SORCS1: variants seen among roughly 807,000 people sequenced by gnomAD.
SORCS1 encodes the protein sortilin related VPS10 domain containing receptor 1, also known as VPS10 domain-containing receptor SorCS1.
A neutral mutation model predicts 146.1 loss-of-function variants in SORCS1; 60 were observed. That is an observed-to-expected ratio of 0.41 (90% CI 0.33 to 0.51). SORCS1 has a LOEUF of 0.51. Ranked by LOEUF, SORCS1 falls within the 20% of genes least tolerant of loss-of-function variation. The pLI, the probability that SORCS1 is intolerant of heterozygous loss-of-function variation, is 0.21. For missense variants in SORCS1, 1,352 were observed against 1,487.6 expected, an observed-to-expected ratio of 0.91 and a Z score of 1.50; for synonymous variants, 637 against 584.0, an observed-to-expected ratio of 1.09 and a Z score of -1.31.
At chr10:106,830,335 GC>G (rs1011697254) in intron 2 of SORCS1, among the ~76,000 whole-genome samples, 3 of 151,992 alleles carry the variant, frequency 2.0e-5, no homozygotes, top group Admixed American at 2.0e-4. Flanking sequence ...TAAATAAATT[GC>G]TTTTAATTAC....
intron 1 of SORCS1, among the ~76,000 whole-genome samples, chr10:106,993,926 T>C (rs1184079515): frequency 1.3e-5 from 2 of 151,542 alleles, no homozygotes; most frequent in East Asian, 1.9e-4. Context: ...TACCAAAAAT[T>C]AGCCAGGCAA....
chr10:107,135,497 A>C (rs1271325862), intron 1 of SORCS1, among the ~76,000 whole-genome samples: 1 of 152,232 alleles, frequency 6.6e-6, no homozygotes, highest in African/African-American at 2.4e-5. Context: ...ATTGTATCAA[A>C]TAAACACAAG....
At chr10:107,163,734 C>G (rs1969879887) in intron 1 of SORCS1, among the ~76,000 whole-genome samples, 1 of 152,092 alleles carries the variant, frequency 6.6e-6, no homozygotes, top group Non-Finnish European at 1.5e-5. Context: ...GGATTTGACT[C>G]CTCAGTTTGA....
At chr10:106,751,831 C>CTG (rs371829979) in intron 5 of SORCS1, among the ~76,000 whole-genome samples, 7 of 152,026 alleles carry the variant, frequency 4.6e-5, no homozygotes, top group African/African-American at 1.7e-4. Context: ...TTTTAGTACC[C>CTG]TGTGTGTGTG....
intron 1 of SORCS1, among the ~76,000 whole-genome samples, chr10:106,973,845 G>A (rs1955890213): frequency 6.6e-6 from 1 of 152,200 alleles, no homozygotes; most frequent in Admixed American, 6.5e-5. Flanking sequence ...AAAGCAATGT[G>A]TATTCAAGCA....
At position 107,164,440 on chromosome 10, in the gene SORCS1, C is replaced by T. The variant is rs1250532822; in HGVS notation, c.87G>A (p.Pro29=). 2 of 1,409,162 alleles carry T rather than the reference C, an allele frequency of 1.4e-6. No individual in the cohort carries two copies. The highest frequency in any genetic ancestry group is 1.5e-5 in the African/African-American group (1 of 66,938). 87.3% of individuals were successfully genotyped at this position (1,409,162 alleles called of 1,614,324 possible). ...AGAGLLILCA[P]GVCGGGSCCP... ...AGCAGGAGCCGCCGCCGCAGACGCC[C>T]GGGGCGCAGAGGATCAAGAGCCCCG... The change falls in exon 1 of 26, where the codon CCG becomes CCA. Residue 29 remains proline (P), a synonymous_variant. Transcript: ENST00000263054. This position sits in a 1 kb window ranked among gnomAD's most constrained non-coding sequence, Gnocchi z 6.8.
intron 3 of SORCS1, among the ~76,000 whole-genome samples, chr10:106,801,724 G>A (rs1268348690): frequency 6.6e-6 from 1 of 152,032 alleles, no homozygotes; most frequent in African/African-American, 2.4e-5. Flanking sequence ...TAGAGATGTG[G>A]TTTCACTGTG....
intron 1 of SORCS1, among the ~76,000 whole-genome samples, chr10:106,986,305 AT>A (rs1281085269): frequency 3.9e-5 from 6 of 152,198 alleles, no homozygotes; most frequent in African/African-American, 9.7e-5. Flanking sequence ...GTGTAAAAAA[AT>A]GATAAAAATC....
intron 2 of SORCS1, among the ~76,000 whole-genome samples, chr10:106,927,246 G>A (rs1024390952): frequency 6.6e-6 from 1 of 152,112 alleles, no homozygotes; most frequent in African/African-American, 2.4e-5. Context: ...TCTGATGTTC[G>A]GATGTGTTCG....
At chr10:106,968,776 A>G (rs2139174826) in intron 1 of SORCS1, among the ~76,000 whole-genome samples, 1 of 152,294 alleles carries the variant, frequency 6.6e-6, no homozygotes, top group South Asian at 2.1e-4. Flanking sequence ...ATCTCCTCTC[A>G]TTTACCATAA....
chr10:106,941,920 AT>A (rs1218196485), intron 2 of SORCS1, among the ~76,000 whole-genome samples: 1 of 152,204 alleles, frequency 6.6e-6, no homozygotes, highest in African/African-American at 2.4e-5. Flanking sequence ...AAAATCTCCC[AT>A]AACCAGGATG....
Position 106,921,526 on chromosome 10 carries a change from G to A in SORCS1, c.626+34987C>T, listed in dbSNP as rs1053735630. 9.9e-5 allele frequency among the ~76,000 whole-genome samples: 15 copies of A among 152,118 alleles called. No individual in the cohort carries two copies. The South Asian group carries it at 2.1e-3, about 21-fold the overall frequency. ...TGACTCCTCTATTTGATTGAAGAGC[G>A]CAAATCGTATTAAACAGAATCATTA... On this transcript the variant is annotated intron_variant, in intron 2 of 25. Coordinates refer to ENST00000263054, the MANE Select transcript of SORCS1 (RefSeq NM_052918.5).
chr10:107,163,941 C>T, intron 1 of SORCS1, 28 bp downstream of exon 1: 1 of 1,596,408 alleles, frequency 6.3e-7, no homozygotes, highest in East Asian at 2.2e-5. Context: ...TCTTTCCACC[C>T]CTTTACCCTC....
chr10:107,023,877 A>T (rs192304874), intron 1 of SORCS1, among the ~76,000 whole-genome samples: 3 of 152,218 alleles, frequency 2.0e-5, no homozygotes, highest in East Asian at 1.9e-4. Flanking sequence ...TGTTGCTCTA[A>T]AAAAAAGAGA....
chr10:106,821,905 G>C (rs1358613047), intron 3 of SORCS1, among the ~76,000 whole-genome samples: 2 of 150,556 alleles, frequency 1.3e-5, no homozygotes, highest in Admixed American at 6.6e-5. Flanking sequence ...CTGGGTGACA[G>C]AGCAAGACTC....
intron 6 of SORCS1, among the ~76,000 whole-genome samples, chr10:106,709,984 G>A (rs913083220): frequency 2.0e-5 from 3 of 151,962 alleles, no homozygotes; most frequent in Admixed American, 6.6e-5. Flanking sequence ...AATAATACTT[G>A]GGATTTCATG....
chr10:107,022,804 T>C lies in SORCS1; in HGVS notation c.559-66224A>G, dbSNP rs556367111. 5.9e-5 allele frequency among the ~76,000 whole-genome samples: 9 copies of C among 152,282 alleles called. No homozygotes were observed. The East Asian group carries it at 1.7e-3, about 29-fold the overall frequency. On this transcript the variant is annotated intron_variant, in intron 1 of 25. Transcript: ENST00000263054. ...CAGGGTTTAGGGTAAAGAAAGCACTTGAATTGCTTGTTAAAATGTGGATTT... is the reference window on the plus strand; with the variant it reads ...CAGGGTTTAGGGTAAAGAAAGCACTCGAATTGCTTGTTAAAATGTGGATTT...
intron 1 of SORCS1, among the ~76,000 whole-genome samples, chr10:106,959,958 C>A (rs1955143579): frequency 6.6e-6 from 1 of 152,152 alleles, no homozygotes; most frequent in Non-Finnish European, 1.5e-5. Context: ...AAAAGCAAAG[C>A]TGTTTTGATG....
At chr10:107,064,605 C>T (rs1352341613) in intron 1 of SORCS1, among the ~76,000 whole-genome samples, 2 of 152,196 alleles carry the variant, frequency 1.3e-5, no homozygotes, top group Non-Finnish European at 2.9e-5. Flanking sequence ...CATACTTAAT[C>T]CTCTGAAGGT....
Sources: gnomAD v4.1 joint callset for allele counts (sites outside exome capture counted in the v4.1 genomes callset) on GRCh38, gnomAD v4.1.1 for gene constraint, Gnocchi (gnomAD v3.1) non-coding constraint, MANE v1.5 for transcripts, NCBI Gene and HGNC (gene_info 2026-07-23, HGNC 2026-07-21) for gene names.